The following BBS10 variants were observed in gnomAD, a reference collection of about 807,000 sequenced individuals.
The protein encoded by BBS10 is Bardet-Biedl syndrome 10, also known as BBSome complex assembly protein BBS10.
BBS10 carries 13 observed loss-of-function variants against 12.7 expected under a neutral mutation model. The observed-to-expected ratio is 1.03, with a 90% CI of 0.67 to 1.63. The LOEUF (loss-of-function observed/expected upper bound fraction) is 1.63. Ranked by LOEUF, BBS10 falls within the 40% of genes most tolerant of loss-of-function variation. BBS10 has a pLI of 0.00. For synonymous variants in BBS10, 294 were observed against 304.8 expected, an observed-to-expected ratio of 0.96 and a Z score of 0.37; for missense variants, 858 against 858.0, an observed-to-expected ratio of 1.00 and a Z score of 0.00.
chr12:76,346,119 A>G lies in BBS10; in HGVS notation c.1866T>C (p.His622=), dbSNP rs1167846126. Residue 622 remains histidine, a synonymous_variant, in exon 2 of 2, where the codon CAT becomes CAC. Coordinates refer to ENST00000650064, the MANE Select transcript of BBS10 (RefSeq NM_024685.4). ...YYLLNYAKKC[H]QSEETMVSMI... is the part of the protein sequence containing the mutation. The stretch of plus-strand genomic sequence containing the variant: ...TACTAACCATGGTTTCTTCTGATTG[A>G]TGGCATTTTTTGGCATAATTGAGAA... 8 of 1,608,400 alleles carry G rather than the reference A, an allele frequency of 5.0e-6. No homozygotes were observed. In the Admixed American group the frequency reaches 6.8e-5, roughly 14 times the overall value.
intron 1 of BBS10, 113 bp downstream of exon 1, chr12:76,348,049 G>A: frequency 8.1e-6 from 10 of 1,238,882 alleles, no homozygotes; most frequent in Non-Finnish European, 1.1e-5. Context: ...AGCATACAGC[G>A]GTTTCACCCG....
rs758553544 is a variant in BBS10, at chr12:76,347,540, G to C, written c.445C>G (p.Leu149Val). 6.2e-7 allele frequency: 1 copy of C among 1,613,616 alleles called. No homozygotes were observed. Among genetic ancestry groups the C allele is most frequent in the Non-Finnish European group, 8.5e-7 (1 of 1,179,994 alleles). Residue 149 changes from leucine (L) to valine (V), a missense_variant, in exon 2 of 2, where the codon CTA (leucine) becomes GTA (valine). Physicochemically the swap from Leu to Val is conservative, Grantham distance 32. Coordinates refer to ENST00000650064, the MANE Select transcript of BBS10 (RefSeq NM_024685.4). Reference protein sequence around the residue: ...QILDGIMDQYLSRHFLSIFSS... With the variant: ...QILDGIMDQYVSRHFLSIFSS... ...AAGATAGACAAAAAGTGTCTACTTA[G>C]GTACTGGTCCATAATACCGTCTAAT...
chr12:76,347,054 A>G lies in BBS10; in HGVS notation c.931T>C (p.Ser311Pro). ...ACTAAATCTGGTTGTTTCACACTAG[A>G]TATGAGCAATTTTACATTCTGACTA... ...LHSQNVKLLI[S>P]SVKQPDLVSY... Residue 311 changes from serine (S) to proline (P), a missense_variant, in exon 2 of 2, where the codon TCT (serine) becomes CCT (proline). Coordinates refer to ENST00000650064, the MANE Select transcript of BBS10 (RefSeq NM_024685.4). 1 of 1,613,366 alleles carries G rather than the reference A, an allele frequency of 6.2e-7. No individual in the cohort carries two copies. Among genetic ancestry groups the G allele is most frequent in the Non-Finnish European group, 8.5e-7 (1 of 1,179,998 alleles).
Position 76,347,124 on chromosome 12 carries a change from T to C in BBS10, c.861A>G (p.Gln287=), listed in dbSNP as rs753223078. 17 of 1,612,096 alleles carry C rather than the reference T, an allele frequency of 1.1e-5. No homozygotes were observed. The highest frequency in any genetic ancestry group is 6.7e-5 in the African/African-American group (5 of 74,914). Residue 287 remains glutamine, a synonymous_variant, in exon 2 of 2, where the codon CAA becomes CAG. Coordinates refer to ENST00000650064, the MANE Select transcript of BBS10 (RefSeq NM_024685.4). ...CTTTTGTCTTTTCCATAATCCAAAA[T>C]TGAGATGTCTGAAACTGTGCTTCTG... ...LNSEAQFQTS[Q]FWIMEKTKAI...
chr12:76,347,102 T>C lies in BBS10; in HGVS notation c.883A>G (p.Lys295Glu). Residue 295 changes from lysine (K) to glutamate (E), a missense_variant, in exon 2 of 2, where the codon AAA (lysine) becomes GAA (glutamate). Lys to Glu is a moderately conservative substitution (Grantham distance 56). Transcript: ENST00000650064. ...CTATGTAGATGTTTCATTATTGCTT[T>C]TGTCTTTTCCATAATCCAAAATTGA... ...TSQFWIMEKT[K>E]AIMKHLHSQN... 1 of 1,612,842 alleles carries C rather than the reference T, an allele frequency of 6.2e-7. No homozygotes were observed.
chr12:76,347,648 T>C lies in BBS10; in HGVS notation c.337A>G (p.Ile113Val), dbSNP rs969686018. 1.2e-6 allele frequency: 2 copies of C among 1,613,746 alleles called. No individual in the cohort carries two copies. Among genetic ancestry groups the C allele is most frequent in the Admixed American group, 3.3e-5 (2 of 60,002 alleles). Residue 113 changes from isoleucine (I) to valine (V), a missense_variant, in exon 2 of 2, where the codon ATT becomes GTT. Physicochemically the swap from Ile to Val is conservative, Grantham distance 29 (BLOSUM62 3). Transcript: ENST00000650064. ...TTCCAATGCCTTCCATGGGTTTGAA[T>C]GTTTTCACACATCAAAGGATCCTTT... ...REKDPLMCEN[I>V]QTHGRHWKNC... is the part of the protein sequence containing the mutation.
In BBS10 at chr12:76,346,243, G is replaced by A. The variant is rs762432475; in HGVS notation, c.1742C>T (p.Pro581Leu). 21 of 1,611,532 alleles carry A rather than the reference G, an allele frequency of 1.3e-5. 1 individual carries two copies. Among genetic ancestry groups the A allele is most frequent in the African/African-American group, 9.4e-5 (7 of 74,776 alleles). The change falls in exon 2 of 2, where the codon CCG (proline) becomes CTG (leucine). Residue 581 changes from proline to leucine, a missense_variant. Coordinates refer to ENST00000650064, the MANE Select transcript of BBS10 (RefSeq NM_024685.4). ...GSMLPVSCKL[P>L]NMGTSQSYLS... is the part of the protein sequence containing the mutation. Reference sequence around the variant, plus strand: ...GTAACTCTGGGAAGTACCCATATTCGGTAACTTACAGCTCACTGGTAACAT... The same window carrying A: ...GTAACTCTGGGAAGTACCCATATTCAGTAACTTACAGCTCACTGGTAACAT...
chr12:76,346,003 G>T lies in BBS10; in HGVS notation c.1982C>A (p.Ala661Asp). The T allele has an allele frequency of 6.2e-7, 1 of 1,614,032 alleles. No individual in the cohort carries two copies. Among genetic ancestry groups the T allele is most frequent in the Non-Finnish European group, 8.5e-7 (1 of 1,179,936 alleles). ...TTGATTGGTTTGCAGTGCATGGACA[G>T]CTCTTATATATGTATGTGGAAAGCT... ...KYSFPHTYIR[A>D]VHALQTNQPL... Residue 661 changes from alanine (A) to aspartate (D), a missense_variant, in exon 2 of 2, where the codon GCT becomes GAT. By Grantham distance (126) the Ala-to-Asp change is moderately radical (BLOSUM62 -2). Coordinates refer to ENST00000650064, the MANE Select transcript of BBS10 (RefSeq NM_024685.4).
At position 76,347,357 on chromosome 12, in the gene BBS10, C is replaced by T; in HGVS notation, c.628G>A (p.Val210Ile). 6.2e-7 allele frequency: 1 copy of T among 1,614,030 alleles called. No individual in the cohort carries two copies. The highest frequency in any genetic ancestry group is 8.5e-7 in the Non-Finnish European group (1 of 1,179,990). ...AAATGGTCATCCACTAACTCAAATA[C>T]ACCAATCCCACTTTTACAAGTCATA... ...KCMTCKSGIG[V>I]FELVDDHFVE... is the part of the protein sequence containing the mutation. The change falls in exon 2 of 2, where the codon GTA becomes ATA. Residue 210 changes from valine to isoleucine, a missense_variant. Transcript: ENST00000650064.
rs2136090772 is a variant in BBS10, at chr12:76,347,082, T to C, written c.903A>G (p.Leu301=). The change falls in exon 2 of 2, where the codon CTA becomes CTG. Residue 301 remains leucine (L), a synonymous_variant. Transcript: ENST00000650064. ...MEKTKAIMKH[L]HSQNVKLLIS... is the part of the protein sequence containing the mutation. ...TGAGCAATTTTACATTCTGACTATG[T>C]AGATGTTTCATTATTGCTTTTGTCT... The C allele has an allele frequency of 6.2e-7, 1 of 1,613,198 alleles. No individual in the cohort carries two copies. The highest frequency in any genetic ancestry group is 8.5e-7 in the Non-Finnish European group (1 of 1,179,854).
Position 76,347,414 on chromosome 12 carries a change from A to C in BBS10, c.571T>G (p.Ser191Ala). Residue 191 changes from serine to alanine, a missense_variant, in exon 2 of 2, where the codon TCA becomes GCA. Coordinates refer to ENST00000650064, the MANE Select transcript of BBS10 (RefSeq NM_024685.4). ...AAAAAGTAGTCACACATCAACTGTG[A>C]AATAAATTTATGATTATTTCTTCCC... Reference protein sequence around the residue: ...RVGRNNHKFISQLMCDYFFKC... With the variant: ...RVGRNNHKFIAQLMCDYFFKC... 1 of 1,614,024 alleles carries C rather than the reference A, an allele frequency of 6.2e-7. No individual in the cohort carries two copies.
rs763954144 is a variant in BBS10 at position 76,345,954 on chromosome 12, A to C, written c.2031T>G (p.Gly677=). 6.2e-7 allele frequency: 1 copy of C among 1,613,972 alleles called. No homozygotes were observed. The highest frequency in any genetic ancestry group is 8.5e-7 in the Non-Finnish European group (1 of 1,179,898). The part of the protein sequence containing the change: ...TNQPLVSSQT[G]LESVMGKYQL... Reference sequence around the variant, plus strand: ...GGTATTTACCCATTACTGATTCCAAACCTGTCTGACTGCTTACCAAGGGTT... The same window carrying C: ...GGTATTTACCCATTACTGATTCCAACCCTGTCTGACTGCTTACCAAGGGTT... The change falls in exon 2 of 2, where the codon GGT becomes GGG. Residue 677 remains glycine (G), a synonymous_variant. Coordinates refer to ENST00000650064, the MANE Select transcript of BBS10 (RefSeq NM_024685.4).
At chr12:76,348,076 G>A in intron 1 of BBS10, 86 bp downstream of exon 1, 2 of 1,442,206 alleles carry the variant, frequency 1.4e-6, no homozygotes, top group Non-Finnish European at 1.9e-6. Context: ...GTCTTTCTAA[G>A]TACGCATCGC....
rs201701959 is a variant in BBS10 at position 76,346,548 on chromosome 12, T to C, written c.1437A>G (p.Ala479=). The change falls in exon 2 of 2, where the codon GCA becomes GCG. Residue 479 remains alanine (A), a synonymous_variant. Coordinates refer to ENST00000650064, the MANE Select transcript of BBS10 (RefSeq NM_024685.4). The part of the protein sequence containing the change: ...YQDTVAENKD[A]LEKTQTYLKV... ...TTAAATATGTTTGAGTTTTTTCCAA[T>C]GCATCTTTGTTCTCTGCAACTGTGT... The C allele has an allele frequency of 1.5e-5, 24 of 1,614,032 alleles. No homozygotes were observed. Among genetic ancestry groups the C allele is most frequent in the Non-Finnish European group, 1.9e-5 (23 of 1,179,996 alleles).
Position 76,347,484 on chromosome 12 carries a change from C to G in BBS10, c.501G>C (p.Arg167Ser), listed in dbSNP as rs1951768610. Residue 167 changes from arginine to serine, a missense_variant, in exon 2 of 2, where the codon AGG becomes AGC. Coordinates refer to ENST00000650064, the MANE Select transcript of BBS10 (RefSeq NM_024685.4). ...CTTCTAAGAGCAACTCTAAAGAGCT[C>G]CTACACAATGTTCTCTCTTTAGCAG... Reference protein sequence around the residue: ...FSSAKERTLCRSSLELLLEAY... With the variant: ...FSSAKERTLCSSSLELLLEAY... The G allele has an allele frequency of 1.2e-6, 2 of 1,613,584 alleles. No individual in the cohort carries two copies. The highest frequency in any genetic ancestry group is 1.3e-5 in the African/African-American group (1 of 74,892).
Position 76,345,270 on chromosome 12 carries a change from T to C in BBS10, c.*543A>G, listed in dbSNP as rs538519109. The C allele has an allele frequency of 6.6e-6, 1 of 152,392 alleles. No homozygotes were observed. The highest frequency in any genetic ancestry group is 1.5e-5 in the Non-Finnish European group (1 of 68,166). The allele number at this position is 152,392 out of a possible 1,614,324, so 9.4% of individuals were successfully genotyped here. ...AAAGTAAAAATTAATTTTATGCTTT[T>C]TGAAAAAAAATTTGAGCCTTTTACT... On this transcript the variant is annotated 3_prime_UTR_variant, in exon 2 of 2. Coordinates refer to ENST00000650064, the MANE Select transcript of BBS10 (RefSeq NM_024685.4).
chr12:76,346,807 A>G lies in BBS10; in HGVS notation c.1178T>C (p.Ile393Thr), dbSNP rs1951762717. 5.6e-6 allele frequency: 9 copies of G among 1,614,174 alleles called. No homozygotes were observed. Among genetic ancestry groups the G allele is most frequent in the East Asian group, 2.2e-5 (1 of 44,876 alleles). The change falls in exon 2 of 2, where the codon ATA becomes ACA. Residue 393 changes from isoleucine to threonine, a missense_variant. Coordinates refer to ENST00000650064, the MANE Select transcript of BBS10 (RefSeq NM_024685.4). Reference sequence around the variant, plus strand: ...TCCACAAAGAACTATAGAGTGTGGTATAAATGCACATGTGCTTATCAAGCC... The same window carrying G: ...TCCACAAAGAACTATAGAGTGTGGTGTAAATGCACATGTGCTTATCAAGCC... ...HLGLISTCAF[I>T]PHSIVLCGPV...
In BBS10 at chr12:76,345,231, C is replaced by T. The variant is rs1348776216; in HGVS notation, c.*582G>A. Reference sequence around the variant, plus strand: ...GTTTTCCAAATGAAGTGGCAGTAAACCAATGACCACATAAAAGTAAAAATT... The same window carrying T: ...GTTTTCCAAATGAAGTGGCAGTAAATCAATGACCACATAAAAGTAAAAATT... On this transcript the variant is annotated 3_prime_UTR_variant, in exon 2 of 2. Transcript: ENST00000650064. The T allele has an allele frequency of 6.6e-6, 1 of 152,256 alleles. No individual in the cohort carries two copies. The highest frequency in any genetic ancestry group is 2.4e-5 in the African/African-American group (1 of 41,356). 9.4% of individuals were successfully genotyped at this position (152,256 alleles called of 1,614,324 possible). A position where few individuals can be genotyped will look rare whatever the true frequency, so the allele number is the denominator to read the frequency against.
Position 76,344,743 on chromosome 12 carries a change from T to G in BBS10, c.*1070A>C, listed in dbSNP as rs1179994539. 8 of 152,184 alleles carry G rather than the reference T, an allele frequency of 5.3e-5. No homozygotes were observed. The highest frequency in any genetic ancestry group is 1.9e-4 in the African/African-American group (8 of 41,452). The allele number at this position is 152,184 out of a possible 1,614,324, so 9.4% of individuals were successfully genotyped here. ...GGAAACATGTATTTAAAGGAATGAA[T>G]TAAAGATAACACTGTTTTGTTCAAC... On this transcript the variant is annotated 3_prime_UTR_variant, in exon 2 of 2. Coordinates refer to ENST00000650064, the MANE Select transcript of BBS10 (RefSeq NM_024685.4).
Sources: allele counts gnomAD v4.1 joint callset, GRCh38; gene constraint gnomAD v4.1.1; transcripts MANE v1.5; gene names NCBI Gene and HGNC (gene_info 2026-07-23, HGNC 2026-07-21).